CHMP4B: variants seen among roughly 807,000 people sequenced by gnomAD.
CHMP4B encodes SNF7 homolog associated with Alix 1.
Under a neutral mutation model 25.1 loss-of-function variants are expected in CHMP4B, and 1 was observed. The observed-to-expected ratio is 0.04, with a 90% CI of 0.01 to 0.19. The LOEUF (loss-of-function observed/expected upper bound fraction) is 0.19. Among genes scored for constraint, CHMP4B ranks in the 10% least tolerant of loss-of-function variants. CHMP4B has a pLI of 1.00. For missense variants in CHMP4B, 151 were observed against 289.7 expected, an observed-to-expected ratio of 0.52 and a Z score of 3.48; for synonymous variants, 101 against 115.6, an observed-to-expected ratio of 0.87 and a Z score of 0.81.
At chr20:33,847,709 C>G (rs894532734) in intron 1 of CHMP4B, among the ~76,000 whole-genome samples, 4 of 152,122 alleles carry the variant, frequency 2.6e-5, no homozygotes, top group Non-Finnish European at 5.9e-5. Context: ...TTCTGTCTGG[C>G]TTTTTAGTTT....
intron 4 of CHMP4B, among the ~76,000 whole-genome samples, chr20:33,853,040 C>G (rs963635767): frequency 1.3e-5 from 2 of 152,178 alleles, no homozygotes; most frequent in African/African-American, 4.8e-5. Flanking sequence ...AGGGAACGGC[C>G]TCCTCAAGTA....
At chr20:33,824,157 T>G (rs1318401160) in intron 1 of CHMP4B, among the ~76,000 whole-genome samples, 1 of 152,218 alleles carries the variant, frequency 6.6e-6, no homozygotes, top group East Asian at 1.9e-4. Context: ...GTTTTGAAAC[T>G]CAGAGAAGCC....
At chr20:33,853,439 G>A in intron 4 of CHMP4B, 57 bp from the exon 5 acceptor site, 2 of 1,540,846 alleles carry the variant, frequency 1.3e-6, no homozygotes, top group Middle Eastern at 3.4e-4. Flanking sequence ...CTCATTTCCG[G>A]CCAGAACATG....
At chr20:33,823,928 A>T (rs1453374431) in intron 1 of CHMP4B, among the ~76,000 whole-genome samples, 1 of 152,154 alleles carries the variant, frequency 6.6e-6, no homozygotes, top group Non-Finnish European at 1.5e-5. Context: ...TTCCCACCTC[A>T]GCCTCCCAAA....
At chr20:33,820,825 G>A (rs1978919399) in intron 1 of CHMP4B, among the ~76,000 whole-genome samples, 1 of 152,150 alleles carries the variant, frequency 6.6e-6, no homozygotes, top group African/African-American at 2.4e-5. Flanking sequence ...CCAGGAACGT[G>A]GAACTATTTG....
chr20:33,839,297 G>T (rs1391932099), intron 1 of CHMP4B, among the ~76,000 whole-genome samples: 1 of 152,114 alleles, frequency 6.6e-6, no homozygotes, highest in Non-Finnish European at 1.5e-5. Context: ...GCGTTATGGA[G>T]TGCCCCTCCC....
In CHMP4B at chr20:33,811,793, C is replaced by CT. The variant is rs577336155; in HGVS notation, c.190+136dup. 42 of 877,126 alleles carry CT rather than the reference C, an allele frequency of 4.8e-5. No homozygotes were observed. In the South Asian group the frequency reaches 5.8e-4, roughly 12 times the overall value. 54.3% of individuals were successfully genotyped at this position (877,126 alleles called of 1,614,324 possible). On this transcript the variant is annotated intron_variant, in intron 1 of 4. Coordinates refer to ENST00000217402, the MANE Select transcript of CHMP4B (RefSeq NM_176812.5). Reference sequence around the variant, plus strand: ...CTCCGGGTCAGACTTCTTGCCGGGTCTGGGACCCCCTCCCCGACTCCCTTC... The same window carrying CT: ...CTCCGGGTCAGACTTCTTGCCGGGTCTTGGGACCCCCTCCCCGACTCCCTTC...
intron 1 of CHMP4B, among the ~76,000 whole-genome samples, chr20:33,825,623 C>A (rs1021112737): frequency 1.3e-5 from 2 of 152,200 alleles, no homozygotes; most frequent in African/African-American, 4.8e-5. Context: ...GCTCTCTCAA[C>A]AGCTATACAC....
At chr20:33,852,566 T>G (rs557156165) in intron 4 of CHMP4B, among the ~76,000 whole-genome samples, 1 of 152,186 alleles carries the variant, frequency 6.6e-6, no homozygotes, top group Non-Finnish European at 1.5e-5. Flanking sequence ...CCATGAGTTA[T>G]GTCAACCAAA....
intron 1 of CHMP4B, among the ~76,000 whole-genome samples, chr20:33,843,330 G>A (rs1355735918): frequency 6.6e-6 from 1 of 152,070 alleles, no homozygotes; most frequent in Non-Finnish European, 1.5e-5. Flanking sequence ...AATTAAATAT[G>A]GAGATTCCAA....
intron 1 of CHMP4B, among the ~76,000 whole-genome samples, chr20:33,813,717 G>GT (rs1015639022): frequency 1.0e-3 from 154 of 152,034 alleles, no homozygotes; most frequent in African/African-American, 3.6e-3. Context: ...TCTGGAGTTT[G>GT]TTTTTTTGTT....
intron 1 of CHMP4B, among the ~76,000 whole-genome samples, chr20:33,822,580 A>G (rs1297311348): frequency 1.3e-5 from 2 of 152,186 alleles, no homozygotes; most frequent in Admixed American, 1.3e-4. Context: ...TTTGGGTGTC[A>G]AGTTGTAATG....
intron 1 of CHMP4B, among the ~76,000 whole-genome samples, chr20:33,812,484 C>T (rs1978658918): frequency 6.6e-6 from 1 of 152,236 alleles, no homozygotes; most frequent in Non-Finnish European, 1.5e-5. Flanking sequence ...AGTATTGAAT[C>T]TTGAGGCACT....
chr20:33,836,067 A>C (rs920550022), intron 1 of CHMP4B, among the ~76,000 whole-genome samples: 2 of 152,146 alleles, frequency 1.3e-5, no homozygotes, highest in Non-Finnish European at 2.9e-5. Context: ...AACCATAGCA[A>C]ATATCTTCCC....
At chr20:33,833,768 G>C (rs1979317601) in intron 1 of CHMP4B, among the ~76,000 whole-genome samples, 1 of 152,124 alleles carries the variant, frequency 6.6e-6, no homozygotes, top group Non-Finnish European at 1.5e-5. Flanking sequence ...TAAAATGCAT[G>C]ATAACCCCAA....
intron 1 of CHMP4B, among the ~76,000 whole-genome samples, chr20:33,834,126 C>A (rs1979328650): frequency 6.6e-6 from 1 of 152,004 alleles, no homozygotes; most frequent in Admixed American, 6.5e-5. Context: ...TTCTCGATAC[C>A]AGTAATCTTT....
At chr20:33,820,880 C>T (rs144356266) in intron 1 of CHMP4B, among the ~76,000 whole-genome samples, 92 of 152,172 alleles carry the variant, frequency 6.0e-4, no homozygotes, top group African/African-American at 1.9e-3. Context: ...AGCCTCTTAG[C>T]GGGGACATGA....
chr20:33,825,133 A>G (rs1310901837), intron 1 of CHMP4B, among the ~76,000 whole-genome samples: 1 of 152,202 alleles, frequency 6.6e-6, no homozygotes, highest in African/African-American at 2.4e-5. Context: ...TGATCAACCC[A>G]TAGTCCCTAG....
chr20:33,829,106 C>T (rs1404589438), intron 1 of CHMP4B, among the ~76,000 whole-genome samples: 1 of 152,180 alleles, frequency 6.6e-6, no homozygotes, highest in African/African-American at 2.4e-5. Context: ...GGGCTCACAG[C>T]CCATTAGGGA....
Sources: allele counts gnomAD v4.1 joint callset (sites outside exome capture counted in the v4.1 genomes callset), GRCh38; gene constraint gnomAD v4.1.1; transcripts MANE v1.5; gene names NCBI Gene and HGNC (gene_info 2026-07-23, HGNC 2026-07-21).